The following ADAMTS9 variants were observed in gnomAD, a reference collection of about 807,000 sequenced individuals.
ADAMTS9 encodes the protein ADAM metallopeptidase with thrombospondin type 1 motif 9.
In ADAMTS9, 107 loss-of-function variants were observed where a neutral mutation model predicts 257.1. The observed-to-expected ratio is 0.42, with a 90% CI of 0.36 to 0.49. The LOEUF (loss-of-function observed/expected upper bound fraction) is 0.49. ADAMTS9 is among the 20% of genes least tolerant of loss of function. ADAMTS9 has a pLI of 0.03. For missense variants in ADAMTS9, 2,353 were observed against 2,469.1 expected (o/e 0.95, Z 1.00); for synonymous variants, 982 against 880.9 (o/e 1.11, Z -2.03).
chr3:64,538,143 C>T (rs980770229), intron 37 of ADAMTS9, among the ~76,000 whole-genome samples: 2 of 152,168 alleles, frequency 1.3e-5, no homozygotes, highest in Non-Finnish European at 2.9e-5. Flanking sequence ...AGCCTTGGTC[C>T]CGGAGGACTT....
chr3:64,542,569 A>G (rs893949322), intron 32 of ADAMTS9, among the ~76,000 whole-genome samples: 1 of 152,060 alleles, frequency 6.6e-6, no homozygotes, highest in East Asian at 1.9e-4. Context: ...CTGGGACTAC[A>G]GGCACGCACC....
At chr3:64,524,925 C>G in intron 38 of ADAMTS9, among the ~76,000 whole-genome samples, 1 of 152,206 alleles carries the variant, frequency 6.6e-6, no homozygotes, top group East Asian at 1.9e-4. Flanking sequence ...GTTCTCCTCT[C>G]TCTCCCTCTC....
At chr3:64,645,539 A>T (rs1303825779) in intron 11 of ADAMTS9, among the ~76,000 whole-genome samples, 1 of 152,242 alleles carries the variant, frequency 6.6e-6, no homozygotes, top group Non-Finnish European at 1.5e-5. Flanking sequence ...GAAAAGGCAC[A>T]TACTGGCAAC....
chr3:64,653,908 A>T (rs11130976), intron 8 of ADAMTS9, among the ~76,000 whole-genome samples: 119,089 of 152,088 alleles, frequency 0.78, 47,718 homozygotes, highest in East Asian at 0.92. Flanking sequence ...GAATTAGAGC[A>T]GTGTATAACT....
intron 26 of ADAMTS9, 117 bp downstream of exon 26, chr3:64,601,827 G>T: frequency 8.0e-7 from 1 of 1,244,950 alleles, no homozygotes; most frequent in Non-Finnish European, 1.1e-6. Flanking sequence ...AAATGAAAAT[G>T]CACAATGTCA....
intron 12 of ADAMTS9, among the ~76,000 whole-genome samples, chr3:64,638,520 G>A (rs1700556664): frequency 6.6e-6 from 1 of 152,118 alleles, no homozygotes; most frequent in South Asian, 2.1e-4. Flanking sequence ...TTCCTTCAGG[G>A]CAACAGATAG....
chr3:64,642,694 G>C (rs1055472386), intron 11 of ADAMTS9, among the ~76,000 whole-genome samples: 1 of 152,218 alleles, frequency 6.6e-6, no homozygotes, highest in Non-Finnish European at 1.5e-5. Flanking sequence ...TGCCATTGTT[G>C]GGGTGTGAAG....
At chr3:64,659,347 A>T (rs1474770371) in intron 3 of ADAMTS9, among the ~76,000 whole-genome samples, 1 of 152,096 alleles carries the variant, frequency 6.6e-6, no homozygotes, top group Non-Finnish European at 1.5e-5. Context: ...ACACGTCTGT[A>T]ATCCCAACTA....
intron 37 of ADAMTS9, among the ~76,000 whole-genome samples, chr3:64,534,676 G>C (rs1313991543): frequency 6.6e-6 from 1 of 152,138 alleles, no homozygotes; most frequent in Non-Finnish European, 1.5e-5. Flanking sequence ...GGTGACCAGA[G>C]GACTTAGTTT....
intron 26 of ADAMTS9, among the ~76,000 whole-genome samples, chr3:64,600,269 C>T (rs188728420): frequency 6.6e-6 from 1 of 152,112 alleles, no homozygotes; most frequent in Non-Finnish European, 1.5e-5. Context: ...GCAAAGATGA[C>T]GTACATCCTT....
rs982217086 is a variant in ADAMTS9, at chr3:64,609,005, T to C, written c.3355-1926A>G. On this transcript the variant is annotated intron_variant, in intron 22 of 39. Coordinates refer to ENST00000498707, the MANE Select transcript of ADAMTS9 (RefSeq NM_182920.2). Reference sequence around the variant, plus strand: ...CAATCAATGCAATACATTACGTTAATAGAACAATGGAAAAAAAAACATGAT... The same window carrying C: ...CAATCAATGCAATACATTACGTTAACAGAACAATGGAAAAAAAAACATGAT... Among the ~76,000 whole-genome samples the C allele has an allele frequency of 1.0e-4, 15 of 149,864 alleles. No homozygotes were observed. The South Asian group carries it at 1.5e-3, about 15-fold the overall frequency.
intron 37 of ADAMTS9, among the ~76,000 whole-genome samples, chr3:64,536,055 G>A (rs1436161307): frequency 2.0e-5 from 3 of 152,102 alleles, no homozygotes; most frequent in Non-Finnish European, 2.9e-5. Flanking sequence ...AGGTCCAGGC[G>A]GCTGACCCAG....
intron 38 of ADAMTS9, among the ~76,000 whole-genome samples, chr3:64,525,261 C>A (rs150916887): frequency 6.6e-6 from 1 of 152,306 alleles, no homozygotes; most frequent in Admixed American, 6.5e-5. Context: ...GAATGCCCTG[C>A]TGATCAGTTC....
chr3:64,526,201 G>C (rs2082908461), intron 38 of ADAMTS9, among the ~76,000 whole-genome samples: 1 of 151,206 alleles, frequency 6.6e-6, no homozygotes, highest in Non-Finnish European at 1.5e-5. Context: ...TCAAAGAAAA[G>C]ATAAATGTTT....
At chr3:64,682,061 ACATGAT>A (rs1701771639) in intron 2 of ADAMTS9, among the ~76,000 whole-genome samples, 1 of 152,156 alleles carries the variant, frequency 6.6e-6, no homozygotes, top group Non-Finnish European at 1.5e-5. Flanking sequence ...TAACGCTGGC[ACATGAT>A]CCTCTCACCA....
Position 64,533,157 on chromosome 3 carries a change from G to C in ADAMTS9, c.5718+9C>G, listed in dbSNP as rs1286282259. 1 of 1,605,102 alleles carries C rather than the reference G, an allele frequency of 6.2e-7. No individual in the cohort carries two copies. The highest frequency in any genetic ancestry group is 8.5e-7 in the Non-Finnish European group (1 of 1,172,172). ...AAATTCATCTCCCAACCCATCTGTA[G>C]AACCTTACCGGCGACTTCTTGATGT... is the stretch of plus-strand genomic sequence containing the variant. On this transcript the variant is annotated intron_variant, in intron 38 of 39. Transcript: ENST00000498707.
chr3:64,602,138 G>A lies in ADAMTS9; in HGVS notation c.3823C>T (p.Arg1275Trp), dbSNP rs371237082. 1.1e-5 allele frequency: 17 copies of A among 1,613,960 alleles called. No individual in the cohort carries two copies. In the African/African-American group the frequency reaches 1.9e-4, roughly 18 times the overall value. The change falls in exon 26 of 40, where the codon CGG (arginine) becomes TGG (tryptophan). Residue 1275 changes from arginine (R) to tryptophan (W), a missense_variant. Coordinates refer to ENST00000498707, the MANE Select transcript of ADAMTS9 (RefSeq NM_182920.2). Reference sequence around the variant, plus strand: ...ATATAATCCTGGTCACACTCACTCCGATCGATCACGTGGTCACTGTAGTTG... The same window carrying A: ...ATATAATCCTGGTCACACTCACTCCAATCGATCACGTGGTCACTGTAGTTG... ...CVNYSDHVIDRSECDQDYIPE... is the reference protein window; with the variant it reads ...CVNYSDHVIDWSECDQDYIPE...
chr3:64,582,522 A>T (rs1043294460), intron 28 of ADAMTS9: 2 of 152,196 alleles, frequency 1.3e-5, no homozygotes, highest in African/African-American at 4.8e-5. Context: ...CCATAGGAAT[A>T]TGGAAAGAGA....
rs371192210 is a variant in ADAMTS9 at position 64,615,928 on chromosome 3, C to T, written c.3024+32G>A. 9.3e-6 allele frequency: 15 copies of T among 1,611,156 alleles called. No homozygotes were observed. The African/African-American group carries it at 1.1e-4, about 11-fold the overall frequency. ...CACCATCAACTAATCAGACAGCATC[C>T]AAGAAGACTCTTTGAGTGAGAGCCA... On this transcript the variant is annotated intron_variant, in intron 20 of 39. Coordinates refer to ENST00000498707, the MANE Select transcript of ADAMTS9 (RefSeq NM_182920.2).
Sources: allele counts gnomAD v4.1 joint callset (sites outside exome capture counted in the v4.1 genomes callset), GRCh38; gene constraint gnomAD v4.1.1; transcripts MANE v1.5; gene names NCBI Gene and HGNC (gene_info 2026-07-23, HGNC 2026-07-21).